ZFYVE16: variants seen among roughly 807,000 people sequenced by gnomAD.
The protein encoded by ZFYVE16 is zinc finger FYVE domain-containing protein 16.
Under a neutral mutation model 138.1 loss-of-function variants are expected in ZFYVE16, and 89 were observed. The observed-to-expected ratio is 0.64, with a 90% confidence interval of 0.54 to 0.77. The LOEUF (loss-of-function observed/expected upper bound fraction) is 0.77, where lower values mean the gene tolerates loss of function less well. ZFYVE16 is among the 30% of genes least tolerant of loss of function. The pLI, the probability that ZFYVE16 is intolerant of heterozygous loss-of-function variation, is 0.00. For synonymous variants in ZFYVE16, 596 were observed against 618.3 expected, an observed-to-expected ratio of 0.96 and a Z score of 0.53; for missense variants, 1,793 against 1,786.7, an observed-to-expected ratio of 1.00 and a Z score of -0.06.
At chr5:80,444,843 A>T (rs188997326) in intron 6 of ZFYVE16, among the ~76,000 whole-genome samples, 73 of 152,122 alleles carry the variant, frequency 4.8e-4, no homozygotes, top group African/African-American at 1.5e-3. Flanking sequence ...TTTAGTCCCT[A>T]AATTTTATTC....
At chr5:80,441,463 A>G in intron 5 of ZFYVE16, 1 of 985,340 alleles carries the variant, frequency 1.0e-6, no homozygotes, top group Non-Finnish European at 1.2e-6. Flanking sequence ...TTTGTCATTA[A>G]TTCATATGCC....
intron 2 of ZFYVE16, 55 bp from the exon 3 acceptor site, chr5:80,434,054 G>C: frequency 8.5e-7 from 1 of 1,170,354 alleles, no homozygotes; most frequent in Non-Finnish European, 1.2e-6. Flanking sequence ...GGAATACATG[G>C]CATAAAATTT....
chr5:80,465,659 T>C (rs1753674040), intron 15 of ZFYVE16, among the ~76,000 whole-genome samples: 1 of 151,942 alleles, frequency 6.6e-6, no homozygotes, highest in African/African-American at 2.4e-5. Flanking sequence ...TCCTCCTGCC[T>C]CGCCCTCCCA....
chr5:80,452,994 G>C (rs1382636786), intron 11 of ZFYVE16, among the ~76,000 whole-genome samples: 1 of 152,046 alleles, frequency 6.6e-6, no homozygotes, highest in East Asian at 1.9e-4. Context: ...TATATTTATT[G>C]CATTTGAAGT....
chr5:80,448,490 A>T, intron 8 of ZFYVE16, 86 bp downstream of exon 8: 1 of 1,308,950 alleles, frequency 7.6e-7, no homozygotes. Flanking sequence ...GTATTTTTTT[A>T]ACTTAGTTTG....
chr5:80,443,774 A>T (rs1214177750), intron 6 of ZFYVE16: 7 of 456,240 alleles, frequency 1.5e-5, no homozygotes, highest in South Asian at 9.3e-5. Flanking sequence ...ATTTCTTCCC[A>T]CCTTATGGTC....
chr5:80,457,033 T>C lies in ZFYVE16; in HGVS notation c.3884T>C (p.Ile1295Thr). 2 of 1,613,310 alleles carry C rather than the reference T, an allele frequency of 1.2e-6. No homozygotes were observed. Among genetic ancestry groups the C allele is most frequent in the African/African-American group, 1.3e-5 (1 of 75,024 alleles). The change falls in exon 14 of 19, where the codon ATA becomes ACA. Residue 1295 changes from isoleucine (I) to threonine (T), a missense_variant. Around this residue, in one of 2 missense-constraint regions of ZFYVE16, gnomAD observed 498 missense variants for 582.4 expected, o/e 0.86. Coordinates refer to ENST00000505560, the MANE Select transcript of ZFYVE16 (RefSeq NM_001284236.3). Reference protein sequence around the residue: ...STEADSHLVCIQNDGIYETQA... With the variant: ...STEADSHLVCTQNDGIYETQA... Reference sequence around the variant, plus strand: ...GAAGCAGATTCTCATCTAGTCTGTATACAGAATGATGGAATTTATGAAACA... The same window carrying C: ...GAAGCAGATTCTCATCTAGTCTGTACACAGAATGATGGAATTTATGAAACA...
At chr5:80,450,687 T>C in intron 10 of ZFYVE16, 101 bp downstream of exon 10, 2 of 1,154,626 alleles carry the variant, frequency 1.7e-6, no homozygotes, top group Non-Finnish European at 2.4e-6. Context: ...GATTTATTTC[T>C]GTGAAGAGAT....
chr5:80,451,854 T>C, intron 11 of ZFYVE16, 145 bp downstream of exon 11: 1 of 757,774 alleles, frequency 1.3e-6, no homozygotes, highest in Non-Finnish European at 2.1e-6. Context: ...GACAACCCTC[T>C]TCTACTACCA....
chr5:80,437,795 T>C lies in ZFYVE16; in HGVS notation c.1110T>C (p.Asp370=). The change falls in exon 4 of 19, where the codon GAT becomes GAC. Residue 370 remains aspartate (D), a synonymous_variant. Coordinates refer to ENST00000505560, the MANE Select transcript of ZFYVE16 (RefSeq NM_001284236.3). ...SSSALHVSSK[D]VPSSLSCLPA... The stretch of plus-strand genomic sequence containing the variant: ...CAGCTTTACATGTTTCCAGTAAAGA[T>C]GTGCCGTCCTCATTGTCCTGTCTTC... 1 of 1,614,118 alleles carries C rather than the reference T, an allele frequency of 6.2e-7. No homozygotes were observed. The highest frequency in any genetic ancestry group is 8.5e-7 in the Non-Finnish European group (1 of 1,179,972).
intron 1 of ZFYVE16, among the ~76,000 whole-genome samples, chr5:80,421,303 A>T (rs1011567934): frequency 2.2e-4 from 34 of 152,164 alleles, no homozygotes; most frequent in Admixed American, 3.9e-4. Flanking sequence ...TAGTTTAATT[A>T]GATCCCATTT....
chr5:80,466,311 T>A (rs1378709059), intron 15 of ZFYVE16, among the ~76,000 whole-genome samples: 1 of 152,196 alleles, frequency 6.6e-6, no homozygotes. Flanking sequence ...TTCATCAGAC[T>A]GGGTAGTCTT....
intron 1 of ZFYVE16, among the ~76,000 whole-genome samples, chr5:80,426,293 T>TATATATATATATATATAAATAAATAA (rs1402433567): frequency 3.4e-5 from 3 of 88,682 alleles, no homozygotes; most frequent in African/African-American, 9.9e-5. Flanking sequence ...TATATATATA[T>TATATATATATATATATAAATAAATAA]AATTAAATTT....
chr5:80,427,748 G>T (rs576172509), intron 2 of ZFYVE16, among the ~76,000 whole-genome samples: 1 of 150,736 alleles, frequency 6.6e-6, no homozygotes, highest in African/African-American at 2.4e-5. Context: ...GCTGAGACGG[G>T]CAGAAGACTT....
In ZFYVE16 at chr5:80,448,161, A is replaced by G; in HGVS notation, c.2860A>G (p.Thr954Ala). The change falls in exon 8 of 19, where the codon ACA becomes GCA. Residue 954 changes from threonine to alanine, a missense_variant. Thr to Ala is a moderately conservative substitution (Grantham distance 58). Around this residue, in one of 2 missense-constraint regions of ZFYVE16, gnomAD observed 1,295 missense variants for 1,204.3 expected, o/e 1.08. Coordinates refer to ENST00000505560, the MANE Select transcript of ZFYVE16 (RefSeq NM_001284236.3). ...VPSVEKLSMNTGNEGLPTSGS... is the reference protein window; with the variant it reads ...VPSVEKLSMNAGNEGLPTSGS... ...ATCAGTGGAAAAATTGTCTATGAAC[A>G]CAGGAAATGAGGGGTTACCTACTTC... 3 of 1,614,028 alleles carry G rather than the reference A, an allele frequency of 1.9e-6. No individual in the cohort carries two copies. Among genetic ancestry groups the G allele is most frequent in the Non-Finnish European group, 2.5e-6 (3 of 1,179,956 alleles).
intron 1 of ZFYVE16, among the ~76,000 whole-genome samples, chr5:80,425,529 T>C (rs1747867028): frequency 1.3e-5 from 2 of 152,346 alleles, no homozygotes; most frequent in South Asian, 4.1e-4. Context: ...CAAATTTGTA[T>C]AGTTTCATTG....
chr5:80,426,688 T>C (rs1452953925), intron 1 of ZFYVE16, among the ~76,000 whole-genome samples: 3 of 152,228 alleles, frequency 2.0e-5, no homozygotes, highest in African/African-American at 7.2e-5. Flanking sequence ...ATTTTCTTTA[T>C]CCAGTCTATC....
rs146942551 is a variant in ZFYVE16 at position 80,460,217 on chromosome 5, A to C, written c.4024+723A>C. ...ATCTCTGAATATAGTCATAATTAGC[A>C]TATCCCTAATTAATAAGCAGAGCAT... On this transcript the variant is annotated intron_variant, in intron 15 of 18. Coordinates refer to ENST00000505560, the MANE Select transcript of ZFYVE16 (RefSeq NM_001284236.3). 8.4e-4 allele frequency among the ~76,000 whole-genome samples: 128 copies of C among 152,298 alleles called. No homozygotes were observed. In the Middle Eastern group the frequency reaches 0.02, roughly 24 times the overall value.
At chr5:80,430,241 C>G (rs530896075) in intron 2 of ZFYVE16, among the ~76,000 whole-genome samples, 2 of 152,240 alleles carry the variant, frequency 1.3e-5, no homozygotes, top group African/African-American at 2.4e-5. Context: ...CAAACTGTCT[C>G]TCAGACCACA....
Sources: gnomAD v4.1 joint callset for allele counts (sites outside exome capture counted in the v4.1 genomes callset) on GRCh38, gnomAD v4.1.1 for gene constraint, gnomAD v4.1.1 regional missense constraint, MANE v1.5 for transcripts, NCBI Gene and HGNC (gene_info 2026-07-23, HGNC 2026-07-21) for gene names.